AP3B2: variants seen among roughly 807,000 people sequenced by gnomAD.
AP3B2 encodes the protein AP-3 complex subunit beta-2.
A neutral mutation model predicts 126.9 loss-of-function variants in AP3B2; 50 were observed. That is an observed-to-expected ratio of 0.39 (90% CI 0.31 to 0.50). AP3B2 has a LOEUF of 0.50. Ranked by LOEUF, AP3B2 falls within the 20% of genes least tolerant of loss-of-function variation. AP3B2 has a pLI of 0.79. For missense variants in AP3B2, 1,177 were observed against 1,426.4 expected, an observed-to-expected ratio of 0.83 and a Z score of 2.82; for synonymous variants, 541 against 565.0, an observed-to-expected ratio of 0.96 and a Z score of 0.60.
intron 1 of AP3B2, among the ~76,000 whole-genome samples, chr15:82,691,046 T>C (rs1052356475): frequency 1.3e-5 from 2 of 151,986 alleles, no homozygotes; most frequent in African/African-American, 4.8e-5. Flanking sequence ...TCTTTGCTAT[T>C]GTGAACAGTG....
At chr15:82,669,387 A>T (rs1415190810) in intron 14 of AP3B2, among the ~76,000 whole-genome samples, 1 of 152,232 alleles carries the variant, frequency 6.6e-6, no homozygotes, top group African/African-American at 2.4e-5. Context: ...CAGGATACAA[A>T]ATCCACATAA....
Position 82,663,566 on chromosome 15 carries a change from C to G in AP3B2, c.2491G>C (p.Glu831Gln). Reference sequence around the variant, plus strand: ...TTTTACCACCCAAACTCACAATCCTCTAGATCAAGCAGGGAGATCTCCTTG... The same window carrying G: ...TTTTACCACCCAAACTCACAATCCTGTAGATCAAGCAGGGAGATCTCCTTG... ...ATKEISLLDL[E>Q]DFTPPSVQPV... Residue 831 changes from glutamate (E) to glutamine (Q), a missense_variant, in exon 21 of 27, where the codon GAG becomes CAG. Around this residue, in one of 5 missense-constraint regions of AP3B2, gnomAD observed 587 missense variants for 571.3 expected, o/e 1.03. Transcript: ENST00000535359. 6.2e-7 allele frequency: 1 copy of G among 1,613,800 alleles called. No individual in the cohort carries two copies. The highest frequency in any genetic ancestry group is 1.3e-5 in the African/African-American group (1 of 75,032).
rs1316341475 is a variant in AP3B2, at chr15:82,663,957, A to G, written c.2280T>C (p.Asp760=). 2 of 1,605,012 alleles carry G rather than the reference A, an allele frequency of 1.2e-6. No homozygotes were observed. The highest frequency in any genetic ancestry group is 1.3e-5 in the African/African-American group (1 of 74,850). ...RGSESEQSEE[D]GKRKTKKKVP... ...CCTTCTTCTTTGTCTTCCTCTTACC[A>G]TCCTCCTCACTCTGTTCACTGAAGG... The change falls in exon 20 of 27, where the codon GAT becomes GAC. Residue 760 remains aspartate, a synonymous_variant. Transcript: ENST00000535359.
At chr15:82,691,367 G>A (rs1397342317) in intron 1 of AP3B2, among the ~76,000 whole-genome samples, 1 of 152,178 alleles carries the variant, frequency 6.6e-6, no homozygotes, top group Non-Finnish European at 1.5e-5. Context: ...CAGTGATGAT[G>A]AGCATTTTTC....
rs1567265988 is a variant in AP3B2 at position 82,680,792 on chromosome 15, C to T, written c.772-37G>A. On this transcript the variant is annotated intron_variant, in intron 7 of 26. Coordinates refer to ENST00000535359, the MANE Select transcript of AP3B2 (RefSeq NM_001278512.2). The surrounding 1 kb of genome is among the most constrained non-coding windows in gnomAD (Gnocchi z 6.1). ...GACCGACGGGTCTGTGGGCGCCTCC[C>T]CGGGACACACTTCGGCCCGCTCTGC... is the stretch of plus-strand genomic sequence containing the variant. The T allele has an allele frequency of 6.2e-7, 1 of 1,608,270 alleles. No individual in the cohort carries two copies. The highest frequency in any genetic ancestry group is 8.5e-7 in the Non-Finnish European group (1 of 1,177,150).
chr15:82,690,606 G>C (rs1392585611), intron 1 of AP3B2, among the ~76,000 whole-genome samples: 1 of 130,328 alleles, frequency 7.7e-6, no homozygotes, highest in African/African-American at 2.9e-5. Context: ...TGGTTGCATA[G>C]TATTCCATGG....
At chr15:82,682,305 G>A (rs1480387968) in intron 4 of AP3B2, among the ~76,000 whole-genome samples, 5 of 152,016 alleles carry the variant, frequency 3.3e-5, no homozygotes, top group African/African-American at 7.2e-5. Context: ...CGCCCACCTC[G>A]GCCTCCCAAA....
At chr15:82,703,544 C>T (rs2048752899) in intron 1 of AP3B2, among the ~76,000 whole-genome samples, 1 of 152,148 alleles carries the variant, frequency 6.6e-6, no homozygotes, top group East Asian at 1.9e-4. Flanking sequence ...GACCTAAAAC[C>T]TAAATGCCTT....
At chr15:82,695,842 A>C (rs535113811) in intron 1 of AP3B2, among the ~76,000 whole-genome samples, 33 of 152,160 alleles carry the variant, frequency 2.2e-4, no homozygotes, top group Non-Finnish European at 4.6e-4. Flanking sequence ...TGTGGCACTG[A>C]GCCCTTAACC....
Position 82,681,278 on chromosome 15 carries a change from TCTC to T in AP3B2, c.522-103_522-101del, listed in dbSNP as rs1394602586. ...ACCTCCTGCACCCCAGCCTTATTGTTCTCCTCCATCTCTGTCAGTCCCCCAAAC... is the reference window on the plus strand; with the variant it reads ...ACCTCCTGCACCCCAGCCTTATTGTTCTCCATCTCTGTCAGTCCCCCAAAC... On this transcript the variant is annotated intron_variant, in intron 5 of 26. Coordinates refer to ENST00000535359, the MANE Select transcript of AP3B2 (RefSeq NM_001278512.2). This position sits in a 1 kb window ranked among gnomAD's most constrained non-coding sequence, Gnocchi z 4.0. The T allele has an allele frequency of 2.0e-5, 30 of 1,516,058 alleles. 1 individual carries two copies. Among genetic ancestry groups the T allele is most frequent in the African/African-American group, 1.9e-4 (14 of 72,780 alleles). The allele number at this position is 1,516,058 out of a possible 1,614,324, so 93.9% of individuals were successfully genotyped here.
At chr15:82,668,806 G>A (rs1008214678) in intron 14 of AP3B2, among the ~76,000 whole-genome samples, 1 of 151,982 alleles carries the variant, frequency 6.6e-6, no homozygotes, top group Non-Finnish European at 1.5e-5. Flanking sequence ...ATACACTCCA[G>A]TGTGCCAAGA....
In AP3B2 at chr15:82,663,840, C is replaced by T. The variant is rs200655723; in HGVS notation, c.2397G>A (p.Glu799=). ...SSESEMTSES[E]EEQLEPASWS... is the part of the protein sequence containing the mutation. Reference sequence around the variant, plus strand: ...AGGAGGCAGGTTCTAACTGCTCCTCCTCGGACTCCGATGTCATCTCGGACT... The same window carrying T: ...AGGAGGCAGGTTCTAACTGCTCCTCTTCGGACTCCGATGTCATCTCGGACT... The change falls in exon 20 of 27, where the codon GAG becomes GAA. Residue 799 remains glutamate (E), a synonymous_variant. Transcript: ENST00000535359. 6.2e-7 allele frequency: 1 copy of T among 1,613,910 alleles called. No homozygotes were observed. The highest frequency in any genetic ancestry group is 2.2e-5 in the East Asian group (1 of 44,876).
Position 82,666,816 on chromosome 15 carries a change from G to C in AP3B2, c.1783C>G (p.Leu595Val). 1 of 1,614,006 alleles carries C rather than the reference G, an allele frequency of 6.2e-7. No individual in the cohort carries two copies. Among genetic ancestry groups the C allele is most frequent in the Non-Finnish European group, 8.5e-7 (1 of 1,179,894 alleles). Residue 595 changes from leucine (L) to valine (V), a missense_variant, in exon 15 of 27, where the codon CTC (leucine) becomes GTC (valine). By Grantham distance (32) the Leu-to-Val change is conservative (BLOSUM62 1). Transcript: ENST00000535359. ...AAGAGCTTCTTGGCATGGCGGCTGA[G>C]GGCCCCACCCTGCTCGGAAGGGACG... ...LIVPSEQGGA[L>V]SRHAKKLFLA...
Position 82,665,085 on chromosome 15 carries a change from A to G in AP3B2, c.2029-142T>C. ...AAAGGGAATAACAGAGGAGGAAGAAAGGGGCACTGTCCATGGAGGGGAGGG... is the reference window on the plus strand; with the variant it reads ...AAAGGGAATAACAGAGGAGGAAGAAGGGGGCACTGTCCATGGAGGGGAGGG... On this transcript the variant is annotated intron_variant, in intron 17 of 26. Transcript: ENST00000535359. The surrounding 1 kb of genome is among the most constrained non-coding windows in gnomAD (Gnocchi z 4.4). The G allele has an allele frequency of 9.7e-7, 1 of 1,027,180 alleles. No homozygotes were observed. Among genetic ancestry groups the G allele is most frequent in the South Asian group, 1.5e-5 (1 of 66,470 alleles). 63.6% of individuals were successfully genotyped at this position (1,027,180 alleles called of 1,614,324 possible). A position where few individuals can be genotyped will look rare whatever the true frequency, so the allele number is the denominator to read the frequency against.
intron 1 of AP3B2, among the ~76,000 whole-genome samples, chr15:82,697,590 A>G (rs1197402302): frequency 6.6e-6 from 1 of 152,244 alleles, no homozygotes; most frequent in Non-Finnish European, 1.5e-5. Context: ...GACGTCAGAC[A>G]AGAAGAGGGG....
chr15:82,699,609 G>T, intron 1 of AP3B2: 1 of 400,020 alleles, frequency 2.5e-6, no homozygotes, highest in East Asian at 3.6e-5. Context: ...GTGTGGGTAG[G>T]GGGTTCCTGT....
At chr15:82,683,047 GTTTT>G (rs61213011) in intron 4 of AP3B2, among the ~76,000 whole-genome samples, 8 of 77,724 alleles carry the variant, frequency 1.0e-4, no homozygotes, top group East Asian at 8.5e-4. Context: ...TGCACCAGGA[GTTTT>G]TTTTTTTTTT....
At position 82,683,047 on chromosome 15, in the gene AP3B2, G is replaced by GTTTTTTTTTTTTTTT. The variant is rs61213011; in HGVS notation, c.361-1482_361-1468dup. Among the ~76,000 whole-genome samples, 54 of 77,728 alleles carry GTTTTTTTTTTTTTTT rather than the reference G, an allele frequency of 6.9e-4. 12 individuals carry two copies. The highest frequency in any genetic ancestry group is 8.0e-4 in the African/African-American group (18 of 22,460). 51.0% of individuals were successfully genotyped at this position (77,728 alleles called of 152,430 possible). A position where few individuals can be genotyped will look rare whatever the true frequency, so the allele number is the denominator to read the frequency against. On this transcript the variant is annotated intron_variant, in intron 4 of 26. Transcript: ENST00000535359. Reference sequence around the variant, plus strand: ...AATGTTCACAGCATCTGCACCAGGAGTTTTTTTTTTTTTTTTTTTTTTTTT... The same window carrying GTTTTTTTTTTTTTTT: ...AATGTTCACAGCATCTGCACCAGGAGTTTTTTTTTTTTTTTTTTTTTTTTTTTTTTTTTTTTTTTT...
rs1367868541 is a variant in AP3B2 at position 82,680,512 on chromosome 15, C to T, written c.1015G>A (p.Val339Ile). 1.4e-5 allele frequency: 22 copies of T among 1,532,428 alleles called. No individual in the cohort carries two copies. The highest frequency in any genetic ancestry group is 2.0e-4 in the Middle Eastern group (1 of 5,120). The allele number at this position is 1,532,428 out of a possible 1,614,324, so 94.9% of individuals were successfully genotyped here. The change falls in exon 8 of 27, where the codon GTC (valine) becomes ATC (isoleucine). Residue 339 changes from valine (V) to isoleucine (I), a missense_variant. Physicochemically the swap from Val to Ile is conservative, Grantham distance 29. Transcript: ENST00000535359. This position sits in a 1 kb window ranked among gnomAD's most constrained non-coding sequence, Gnocchi z 6.1. ...FHLAPKAEVG[V>I]IAKALVRLLR... is the part of the protein sequence containing the mutation. ...AGGCGCACCAGCGCCTTGGCGATGACGCCCACTTCCGCCTTGGGCGCCAGG... is the reference window on the plus strand; with the variant it reads ...AGGCGCACCAGCGCCTTGGCGATGATGCCCACTTCCGCCTTGGGCGCCAGG...
Sources: allele counts gnomAD v4.1 joint callset (sites outside exome capture counted in the v4.1 genomes callset), GRCh38; gene constraint gnomAD v4.1.1; regional missense constraint gnomAD v4.1.1; non-coding constraint Gnocchi (gnomAD v3.1); transcripts MANE v1.5; gene names NCBI Gene and HGNC (gene_info 2026-07-23, HGNC 2026-07-21).